Variants in LRP1B observed in about 807,000 individuals in gnomAD.
LRP1B encodes the protein low-density lipoprotein receptor-related protein 1B.
A neutral mutation model predicts 556.6 loss-of-function variants in LRP1B; 217 were observed. The observed-to-expected ratio is 0.39, with a 90% CI of 0.35 to 0.44. The LOEUF (loss-of-function observed/expected upper bound fraction) is 0.44. Ranked by LOEUF, LRP1B falls within the 20% of genes least tolerant of loss-of-function variation. The probability of loss-of-function intolerance (pLI) is 1.00; values close to 1 mark genes in which losing one functional copy is unlikely to be tolerated. For missense variants in LRP1B, 5,053 were observed against 5,620.8 expected, an observed-to-expected ratio of 0.90 and a Z score of 3.23; for synonymous variants, 2,047 against 1,865.8, an observed-to-expected ratio of 1.10 and a Z score of -2.50.
At chr2:140,248,871 T>G (rs1048186640) in intron 86 of LRP1B, among the ~76,000 whole-genome samples, 1 of 151,370 alleles carries the variant, frequency 6.6e-6, no homozygotes, top group Admixed American at 6.6e-5. Context: ...TCTGCCAAAT[T>G]TTTCTAATTT....
At chr2:141,115,625 T>TTGTG (rs70991139) in intron 7 of LRP1B, among the ~76,000 whole-genome samples, 30 of 91,562 alleles carry the variant, frequency 3.3e-4, no homozygotes, top group South Asian at 4.4e-4. Flanking sequence ...CCCGGCTAAT[T>TTGTG]TGTGTGTGTG....
chr2:140,293,778 A>T (rs1045344008), intron 84 of LRP1B, among the ~76,000 whole-genome samples: 3 of 152,208 alleles, frequency 2.0e-5, no homozygotes, highest in Non-Finnish European at 4.4e-5. Flanking sequence ...CCAAAAAAAC[A>T]GCATCACCAT....
intron 9 of LRP1B, among the ~76,000 whole-genome samples, chr2:141,058,221 G>A (rs1333703233): frequency 6.6e-6 from 1 of 151,832 alleles, no homozygotes; most frequent in East Asian, 1.9e-4. Flanking sequence ...ACAATGTACA[G>A]CCGTGATTAG....
intron 35 of LRP1B, among the ~76,000 whole-genome samples, chr2:140,745,541 TA>T (rs1239723146): frequency 1.3e-5 from 2 of 152,116 alleles, no homozygotes; most frequent in East Asian, 1.9e-4. Context: ...GCAAGATGAG[TA>T]AAAGTTGTTC....
At chr2:140,248,419 T>C (rs1156595148) in intron 86 of LRP1B, among the ~76,000 whole-genome samples, 3 of 151,680 alleles carry the variant, frequency 2.0e-5, no homozygotes, top group African/African-American at 7.2e-5. Flanking sequence ...AAAATTAATA[T>C]CATTATATTA....
intron 2 of LRP1B, among the ~76,000 whole-genome samples, chr2:141,540,967 A>C (rs535135736): frequency 1.3e-5 from 2 of 151,950 alleles, no homozygotes; most frequent in East Asian, 3.9e-4. Flanking sequence ...GACATACTAT[A>C]TAGCTGCTAA....
chr2:140,452,961 G>GTTT lies in LRP1B; in HGVS notation c.9964-2303_9964-2301dup, dbSNP rs5834746. ...ACATGTCTGTTGTGTGTGTGTGTGT[G>GTTT]TTTTTTTTTTTTTTTTTTATAAAAT... is the stretch of plus-strand genomic sequence containing the variant. On this transcript the variant is annotated intron_variant, in intron 62 of 90. Transcript: ENST00000389484. Among the ~76,000 whole-genome samples the GTTT allele has an allele frequency of 1.9e-3, 243 of 126,258 alleles. 1 individual carries two copies. Among genetic ancestry groups the GTTT allele is most frequent in the East Asian group, 3.6e-3 (15 of 4,216 alleles). The allele number at this position is 126,258 out of a possible 152,430, so 82.8% of individuals were successfully genotyped here. A position where few individuals can be genotyped will look rare whatever the true frequency, so the allele number is the denominator to read the frequency against.
chr2:141,839,738 T>C (rs1697402697), intron 1 of LRP1B, among the ~76,000 whole-genome samples: 2 of 152,126 alleles, frequency 1.3e-5, no homozygotes, highest in South Asian at 2.1e-4. Flanking sequence ...TGAGACTCTA[T>C]AGATACTAAG....
At chr2:141,794,748 G>C (rs1695744255) in intron 2 of LRP1B, among the ~76,000 whole-genome samples, 1 of 151,874 alleles carries the variant, frequency 6.6e-6, no homozygotes, top group Admixed American at 6.6e-5. Flanking sequence ...ATGTCTTATA[G>C]TTCCACAGTA....
At chr2:140,308,014 G>T (rs1213229124) in intron 83 of LRP1B, among the ~76,000 whole-genome samples, 2 of 151,690 alleles carry the variant, frequency 1.3e-5, no homozygotes, top group African/African-American at 4.8e-5. Context: ...GCTCAATATA[G>T]AAATTACTAC....
At chr2:140,262,756 T>TA (rs979313602) in intron 86 of LRP1B, among the ~76,000 whole-genome samples, 2 of 152,120 alleles carry the variant, frequency 1.3e-5, no homozygotes, top group Admixed American at 1.3e-4. Context: ...TATGTCCCTT[T>TA]GTGAATGCCC....
Position 141,285,832 on chromosome 2 carries a change from C to T in LRP1B, c.344-31191G>A, listed in dbSNP as rs576837248. On this transcript the variant is annotated intron_variant, in intron 3 of 90. Transcript: ENST00000389484. ...CTGTAATCCCAGCACTTTGGGAGGC[C>T]GAGGCGGGCGGATCACGAGGTCAGG... is the stretch of plus-strand genomic sequence containing the variant. Among the ~76,000 whole-genome samples, 215 of 147,544 alleles carry T rather than the reference C, an allele frequency of 1.5e-3. 1 individual carries two copies. The highest frequency in any genetic ancestry group is 2.1e-3 in the Non-Finnish European group (142 of 66,512).
chr2:140,670,865 A>G (rs76367242), intron 41 of LRP1B, among the ~76,000 whole-genome samples: 14,458 of 152,214 alleles, frequency 0.095, 924 homozygotes, highest in East Asian at 0.32. Flanking sequence ...CATGAGGTCA[A>G]TACATAATGC....
chr2:140,505,631 T>A (rs1689377406), intron 53 of LRP1B, among the ~76,000 whole-genome samples: 1 of 152,220 alleles, frequency 6.6e-6, no homozygotes, highest in Admixed American at 6.5e-5. Context: ...GATATAACTC[T>A]GCTTCAGATT....
intron 55 of LRP1B, among the ~76,000 whole-genome samples, 183 bp from the exon 56 acceptor site, chr2:140,495,931 T>A (rs1688906593): frequency 6.6e-6 from 1 of 152,156 alleles, no homozygotes; most frequent in African/African-American, 2.4e-5. Context: ...TAGAAAGCAC[T>A]CTCCCAAATA....
intron 3 of LRP1B, among the ~76,000 whole-genome samples, chr2:141,441,455 G>C (rs1680964534): frequency 1.3e-5 from 2 of 152,174 alleles, no homozygotes; most frequent in Non-Finnish European, 2.9e-5. Context: ...CAGTAACTTA[G>C]AAGCACACTT....
intron 1 of LRP1B, among the ~76,000 whole-genome samples, chr2:142,030,745 G>C (rs1703663964): frequency 6.6e-6 from 1 of 151,644 alleles, no homozygotes; most frequent in Non-Finnish European, 1.5e-5. Flanking sequence ...GATATGCCTG[G>C]GACTCATGAC....
chr2:141,233,814 G>A lies in LRP1B; in HGVS notation c.593-4374C>T, dbSNP rs1683558403. ...TTTCCTTCTAAGTGATTGAAGTAATGAATTCATATACTTACAAATAATTAT... is the reference window on the plus strand; with the variant it reads ...TTTCCTTCTAAGTGATTGAAGTAATAAATTCATATACTTACAAATAATTAT... On this transcript the variant is annotated intron_variant, in intron 5 of 90. Coordinates refer to ENST00000389484, the MANE Select transcript of LRP1B (RefSeq NM_018557.3). Among the ~76,000 whole-genome samples, 2 of 151,830 alleles carry A rather than the reference G, an allele frequency of 1.3e-5. 1 individual carries two copies. The highest frequency in any genetic ancestry group is 4.1e-4 in the South Asian group (2 of 4,826).
At chr2:140,340,924 C>A (rs1408543194) in intron 77 of LRP1B, among the ~76,000 whole-genome samples, 1 of 151,598 alleles carries the variant, frequency 6.6e-6, no homozygotes, top group South Asian at 2.1e-4. Context: ...TTTATATAAT[C>A]ATTTTGCAAC....
Sources: allele counts gnomAD v4.1 joint callset (sites outside exome capture counted in the v4.1 genomes callset), GRCh38; gene constraint gnomAD v4.1.1; transcripts MANE v1.5; gene names NCBI Gene and HGNC (gene_info 2026-07-23, HGNC 2026-07-21).